The following CADM2 variants were observed in gnomAD, a reference collection of about 807,000 sequenced individuals.
CADM2 encodes cell adhesion molecule 2.
Under a neutral mutation model 49.8 loss-of-function variants are expected in CADM2, and 12 were observed. That is an observed-to-expected ratio of 0.24 (90% CI 0.15 to 0.39). CADM2 has a LOEUF of 0.39. Ranked by LOEUF, CADM2 falls within the 10% of genes least tolerant of loss-of-function variation. The probability of loss-of-function intolerance (pLI) is 1.00; values close to 1 mark genes in which losing one functional copy is unlikely to be tolerated. For missense variants in CADM2, 378 were observed against 492.3 expected, an observed-to-expected ratio of 0.77 and a Z score of 2.20; for synonymous variants, 214 against 175.4, an observed-to-expected ratio of 1.22 and a Z score of -1.74.
intron 1 of CADM2, among the ~76,000 whole-genome samples, chr3:85,056,820 G>T (rs1202940611): frequency 6.6e-6 from 1 of 151,994 alleles, no homozygotes; most frequent in Non-Finnish European, 1.5e-5. Flanking sequence ...ACTTAGACAG[G>T]ATAGACTTCA....
chr3:85,859,224 C>CTTTTTTTTTTTTTTTTTTTTTTTT, intron 3 of CADM2, among the ~76,000 whole-genome samples: 1 of 70,604 alleles, frequency 1.4e-5, no homozygotes, highest in Admixed American at 2.1e-4. Flanking sequence ...TTTTTTTTGT[C>CTTTTTTTTTTTTTTTTTTTTTTTT]TTTTTTTTTT....
intron 1 of CADM2, among the ~76,000 whole-genome samples, chr3:85,649,149 AAG>A (rs2064974399): frequency 6.6e-6 from 1 of 152,132 alleles, no homozygotes; most frequent in Non-Finnish European, 1.5e-5. Context: ...ACTTTGCAAA[AAG>A]AGTTATCTGA....
intron 2 of CADM2, among the ~76,000 whole-genome samples, chr3:85,795,491 G>A (rs1577327590): frequency 6.6e-6 from 1 of 152,210 alleles, no homozygotes; most frequent in East Asian, 1.9e-4. Context: ...GGGTCCTAGA[G>A]AACTAAAATC....
intron 7 of CADM2, among the ~76,000 whole-genome samples, chr3:85,947,410 T>C (rs1722865650): frequency 1.3e-5 from 2 of 151,564 alleles, no homozygotes; most frequent in South Asian, 4.1e-4. Context: ...TGTGTGTGTG[T>C]TGTACTTTGT....
chr3:85,504,682 G>A (rs1451824741), intron 1 of CADM2, among the ~76,000 whole-genome samples: 1 of 152,118 alleles, frequency 6.6e-6, no homozygotes, highest in Admixed American at 6.6e-5. Context: ...CCCGCACTCC[G>A]CAGCCCTTGG....
intron 1 of CADM2, among the ~76,000 whole-genome samples, chr3:85,174,700 G>A (rs2040729592): frequency 6.6e-6 from 1 of 151,892 alleles, no homozygotes; most frequent in South Asian, 2.1e-4. Context: ...ACTCTTTCAA[G>A]CTTGCTAAAT....
chr3:85,360,439 C>T (rs2107276705), intron 1 of CADM2, among the ~76,000 whole-genome samples: 1 of 152,192 alleles, frequency 6.6e-6, no homozygotes, highest in South Asian at 2.1e-4. Flanking sequence ...TTTGGCTCAC[C>T]AGGTCAGAAT....
At chr3:85,530,347 T>C (rs2061274113) in intron 1 of CADM2, among the ~76,000 whole-genome samples, 1 of 126,606 alleles carries the variant, frequency 7.9e-6, no homozygotes, top group Admixed American at 9.2e-5. Flanking sequence ...TTTTTTTTTT[T>C]TGAGACGGAG....
rs894556416 is a variant in CADM2 at position 86,069,732 on chromosome 3, T to C, written c.*2949T>C. 2 of 151,990 alleles carry C rather than the reference T, an allele frequency of 1.3e-5. No individual in the cohort carries two copies. The highest frequency in any genetic ancestry group is 4.8e-5 in the African/African-American group (2 of 41,438). The allele number at this position is 151,990 out of a possible 1,614,324, so 9.4% of individuals were successfully genotyped here. On this transcript the variant is annotated 3_prime_UTR_variant, in exon 10 of 10. Coordinates refer to ENST00000383699, the MANE Select transcript of CADM2 (RefSeq NM_001167675.2). ...CACACCCTTAGTAGAATATGGAGCA[T>C]TATTCTTTACCAAAAGTAGCTATTC... is the stretch of plus-strand genomic sequence containing the variant.
chr3:85,641,863 A>G (rs2064726859), intron 1 of CADM2, among the ~76,000 whole-genome samples: 1 of 151,986 alleles, frequency 6.6e-6, no homozygotes, highest in Non-Finnish European at 1.5e-5. Context: ...CCCAGGAGGC[A>G]GAGCTTGCAG....
At chr3:85,579,750 A>G (rs2062740575) in intron 1 of CADM2, among the ~76,000 whole-genome samples, 1 of 152,124 alleles carries the variant, frequency 6.6e-6, no homozygotes, top group Admixed American at 6.6e-5. Flanking sequence ...TATGGGCTCA[A>G]TACAGGTCTC....
chr3:85,264,046 T>A (rs1422597675), intron 1 of CADM2, among the ~76,000 whole-genome samples: 1 of 152,058 alleles, frequency 6.6e-6, no homozygotes, highest in Non-Finnish European at 1.5e-5. Context: ...AGTTAGAAAA[T>A]TTTTCAGGTT....
chr3:86,022,091 G>A (rs570930189), intron 8 of CADM2, among the ~76,000 whole-genome samples: 3 of 152,134 alleles, frequency 2.0e-5, no homozygotes, highest in East Asian at 1.9e-4. Flanking sequence ...ATATCATGTT[G>A]TATACCTTAA....
At chr3:85,344,321 C>T (rs2030312739) in intron 1 of CADM2, among the ~76,000 whole-genome samples, 1 of 151,576 alleles carries the variant, frequency 6.6e-6, no homozygotes, top group African/African-American at 2.4e-5. Context: ...CTGGAGGTTA[C>T]AGTGAGCAGA....
At chr3:86,014,899 C>T in intron 8 of CADM2, 1 of 1,534,496 alleles carries the variant, frequency 6.5e-7, no homozygotes. Flanking sequence ...TGTATTCTTC[C>T]TGTGATGACG....
chr3:85,254,738 A>T (rs1190692583), intron 1 of CADM2, among the ~76,000 whole-genome samples: 1 of 152,110 alleles, frequency 6.6e-6, no homozygotes, highest in African/African-American at 2.4e-5. Context: ...TACTCATGAA[A>T]AGGCAAGAGG....
At chr3:85,193,590 C>T (rs1576086378) in intron 1 of CADM2, among the ~76,000 whole-genome samples, 2 of 152,146 alleles carry the variant, frequency 1.3e-5, no homozygotes, top group East Asian at 3.9e-4. Flanking sequence ...CACCCTCTAT[C>T]CATTGCTGCT....
At chr3:85,567,180 C>T (rs575869738) in intron 1 of CADM2, among the ~76,000 whole-genome samples, 44 of 152,208 alleles carry the variant, frequency 2.9e-4, no homozygotes, top group African/African-American at 1.0e-3. Flanking sequence ...CATAAAATCG[C>T]GTCTGGTACT....
At chr3:85,967,658 A>T (rs565982482) in intron 8 of CADM2, among the ~76,000 whole-genome samples, 1 of 151,730 alleles carries the variant, frequency 6.6e-6, no homozygotes, top group South Asian at 2.1e-4. Context: ...TTTGTGCTTC[A>T]TAGTAAATGT....
Sources: allele counts gnomAD v4.1 joint callset (sites outside exome capture counted in the v4.1 genomes callset), GRCh38; gene constraint gnomAD v4.1.1; transcripts MANE v1.5; gene names NCBI Gene and HGNC (gene_info 2026-07-23, HGNC 2026-07-21).